HIRA: variants seen among roughly 807,000 people sequenced by gnomAD.
HIRA encodes the protein protein HIRA.
HIRA carries 13 observed loss-of-function variants against 126.6 expected under a neutral mutation model. The ratio of observed to expected loss-of-function variants is 0.10; its 90% confidence interval spans 0.07 to 0.16. The LOEUF (loss-of-function observed/expected upper bound fraction) is 0.16. Among genes scored for constraint, HIRA ranks in the 10% least tolerant of loss-of-function variants. The pLI, the probability that HIRA is intolerant of heterozygous loss-of-function variation, is 1.00. For missense variants in HIRA, 834 were observed against 1,314.4 expected (o/e 0.63, Z 5.65); for synonymous variants, 511 against 520.0 (o/e 0.98, Z 0.24).
chr22:19,400,134 T>C (rs1228425667), intron 5 of HIRA, among the ~76,000 whole-genome samples: 1 of 152,242 alleles, frequency 6.6e-6, no homozygotes, highest in Non-Finnish European at 1.5e-5. Context: ...CTCTACTTTT[T>C]TATACTGTAG....
intron 2 of HIRA, among the ~76,000 whole-genome samples, chr22:19,408,839 A>C (rs2089327856): frequency 6.6e-6 from 1 of 152,224 alleles, no homozygotes; most frequent in South Asian, 2.1e-4. Context: ...AAAGAACTTT[A>C]GACTAGCAAT....
chr22:19,334,243 G>A (rs371351269), intron 24 of HIRA, among the ~76,000 whole-genome samples: 2 of 151,598 alleles, frequency 1.3e-5, no homozygotes, highest in East Asian at 4.0e-4. Context: ...CCAAAGTGCT[G>A]GGATTACAGG....
intron 24 of HIRA, among the ~76,000 whole-genome samples, chr22:19,346,362 A>T (rs2088686818): frequency 6.6e-6 from 1 of 152,260 alleles, no homozygotes; most frequent in Non-Finnish European, 1.5e-5. Context: ...AAATAAAATA[A>T]AAGAGTGTTG....
intron 7 of HIRA, among the ~76,000 whole-genome samples, chr22:19,396,407 T>G (rs894507544): frequency 2.0e-5 from 3 of 152,188 alleles, no homozygotes; most frequent in Non-Finnish European, 4.4e-5. Flanking sequence ...TCCCAGCTAC[T>G]CAGGAGGCTG....
chr22:19,361,479 G>A (rs1022608021), intron 16 of HIRA, 138 bp from the exon 17 acceptor site: 1 of 789,840 alleles, frequency 1.3e-6, no homozygotes, highest in Non-Finnish European at 2.1e-6. Context: ...AGAGGGGAAT[G>A]CTACAAGGAT....
At chr22:19,414,813 G>A (rs1297404832) in intron 1 of HIRA, among the ~76,000 whole-genome samples, 1 of 152,224 alleles carries the variant, frequency 6.6e-6, no homozygotes, top group African/African-American at 2.4e-5. Context: ...CTTGAGGTCA[G>A]GAGTTTGAGA....
intron 1 of HIRA, among the ~76,000 whole-genome samples, chr22:19,412,958 C>T (rs748398874): frequency 1.3e-5 from 2 of 152,210 alleles, no homozygotes; most frequent in African/African-American, 4.8e-5. Context: ...GACTCAGCCT[C>T]GGGCTTCCTG....
chr22:19,337,267 G>C (rs1268529688), intron 24 of HIRA, among the ~76,000 whole-genome samples: 2 of 151,576 alleles, frequency 1.3e-5, no homozygotes, highest in Non-Finnish European at 2.9e-5. Context: ...ATAGGATATG[G>C]ATGAAAAATG....
chr22:19,349,312 G>A (rs577149322), intron 24 of HIRA, among the ~76,000 whole-genome samples: 18 of 151,740 alleles, frequency 1.2e-4, no homozygotes, highest in Non-Finnish European at 2.2e-4. Flanking sequence ...CATGTTGGCC[G>A]GGCAGGTCTT....
In HIRA at chr22:19,388,125, G is replaced by A. The variant is rs113050262; in HGVS notation, c.1008-309C>T. ...GAAACTATTAAAATAAAAAAAACTT[G>A]ACAAAGTATACATATAAATCAGGTC... On this transcript the variant is annotated intron_variant, in intron 10 of 24. Transcript: ENST00000263208. Among the ~76,000 whole-genome samples, 656 of 152,206 alleles carry A rather than the reference G, an allele frequency of 4.3e-3. 4 individuals are homozygous for A. Among genetic ancestry groups the A allele is most frequent in the African/African-American group, 0.015 (611 of 41,520 alleles).
chr22:19,387,852 A>T (rs1340410596), intron 10 of HIRA, 36 bp from the exon 11 acceptor site: 3 of 1,484,132 alleles, frequency 2.0e-6, no homozygotes, highest in Non-Finnish European at 2.8e-6. Context: ...TGGTAGCAAG[A>T]GCCCCAGGCA....
chr22:19,408,392 A>G, intron 3 of HIRA, 91 bp downstream of exon 3: 1 of 810,428 alleles, frequency 1.2e-6, no homozygotes, highest in Non-Finnish European at 2.2e-6. Context: ...TTACCGCCGC[A>G]CGGGGCCTTA....
At chr22:19,420,073 C>T (rs556945146) in intron 1 of HIRA, among the ~76,000 whole-genome samples, 5 of 150,154 alleles carry the variant, frequency 3.3e-5, no homozygotes, top group African/African-American at 7.4e-5. Flanking sequence ...TGTGTGTGCA[C>T]GCGCCACAAA....
At chr22:19,334,016 C>G (rs1556005271) in intron 24 of HIRA, among the ~76,000 whole-genome samples, 1 of 151,840 alleles carries the variant, frequency 6.6e-6, no homozygotes, top group African/African-American at 2.4e-5. Flanking sequence ...GATCTGTCGC[C>G]CAGGCTGGAG....
chr22:19,406,908 A>G (rs1482656764), intron 4 of HIRA, among the ~76,000 whole-genome samples: 1 of 152,192 alleles, frequency 6.6e-6, no homozygotes, highest in Non-Finnish European at 1.5e-5. Context: ...TTTCACTTGA[A>G]AAAACAAAAG....
intron 24 of HIRA, among the ~76,000 whole-genome samples, chr22:19,337,140 AGGCT>A (rs1203041723): frequency 1.9e-4 from 29 of 151,704 alleles, no homozygotes; most frequent in African/African-American, 7.0e-4. Context: ...TCTGTTGTCC[AGGCT>A]GGAGTGCAGT....
intron 13 of HIRA, among the ~76,000 whole-genome samples, chr22:19,379,458 C>T (rs1038711594): frequency 6.6e-6 from 1 of 150,734 alleles, no homozygotes; most frequent in Non-Finnish European, 1.5e-5. Flanking sequence ...AACCCCGTCT[C>T]CACTAAAAAT....
At chr22:19,358,258 C>T (rs756175078) in intron 18 of HIRA, among the ~76,000 whole-genome samples, 4 of 152,200 alleles carry the variant, frequency 2.6e-5, no homozygotes, top group Non-Finnish European at 4.4e-5. Context: ...GTGGTCAGAG[C>T]CTGGCTCAAG....
At chr22:19,358,664 T>C (rs148972824) in intron 18 of HIRA, among the ~76,000 whole-genome samples, 2 of 152,292 alleles carry the variant, frequency 1.3e-5, no homozygotes, top group East Asian at 1.9e-4. Flanking sequence ...GCCATGTGCT[T>C]TGACACAAGT....
Sources: allele counts gnomAD v4.1 joint callset (sites outside exome capture counted in the v4.1 genomes callset), GRCh38; gene constraint gnomAD v4.1.1; transcripts MANE v1.5; gene names NCBI Gene and HGNC (gene_info 2026-07-23, HGNC 2026-07-21).